Variants in MIPOL1 observed in about 807,000 individuals in gnomAD.
MIPOL1 encodes the protein mirror-image polydactyly 1.
MIPOL1 carries 57 observed loss-of-function variants against 60.9 expected under a neutral mutation model. The ratio of observed to expected loss-of-function variants is 0.94; its 90% CI spans 0.76 to 1.17. MIPOL1 has a LOEUF of 1.17. Among genes scored for constraint, MIPOL1 ranks in the 50% most tolerant of loss-of-function variants. MIPOL1 has a pLI of 0.00. For missense variants in MIPOL1, 551 were observed against 511.6 expected (o/e 1.08, Z -0.74); for synonymous variants, 179 against 168.8 (o/e 1.06, Z -0.47).
chr14:37,437,201 T>C (rs904055003), intron 11 of MIPOL1, among the ~76,000 whole-genome samples: 1 of 152,166 alleles, frequency 6.6e-6, no homozygotes, highest in Non-Finnish European at 1.5e-5. Context: ...AAATATCTTC[T>C]AAAACTTCCT....
intron 12 of MIPOL1, among the ~76,000 whole-genome samples, chr14:37,520,114 G>A (rs2095402350): frequency 6.6e-6 from 1 of 152,106 alleles, no homozygotes; most frequent in Non-Finnish European, 1.5e-5. Context: ...TAGGGAAAAT[G>A]ACTGTGATGA....
chr14:37,502,354 A>G (rs149662785), intron 12 of MIPOL1: 4 of 152,376 alleles, frequency 2.6e-5, no homozygotes, highest in African/African-American at 9.6e-5. Context: ...AGGGGCCGAC[A>G]GACACCTCAT....
chr14:37,422,280 G>A (rs150653653), intron 10 of MIPOL1, among the ~76,000 whole-genome samples: 7 of 151,918 alleles, frequency 4.6e-5, no homozygotes, highest in Admixed American at 1.3e-4. Context: ...GGTTGCTGCC[G>A]TTCTCCCCTT....
At chr14:37,212,103 C>T (rs1231356398) in intron 1 of MIPOL1, 1 of 152,290 alleles carries the variant, frequency 6.6e-6, no homozygotes, top group African/African-American at 2.4e-5. Context: ...GGGTGAGCCT[C>T]TGAGATTTGC....
At chr14:37,299,297 G>C (rs958183278) in intron 7 of MIPOL1, among the ~76,000 whole-genome samples, 3 of 151,618 alleles carry the variant, frequency 2.0e-5, no homozygotes, top group South Asian at 4.2e-4. Flanking sequence ...TGTAGGGTAG[G>C]GAGAGGGGGG....
chr14:37,523,420 G>A (rs1447656432), intron 12 of MIPOL1: 1 of 362,368 alleles, frequency 2.8e-6, no homozygotes, highest in African/African-American at 2.1e-5. Context: ...GAAGTAAATA[G>A]ATGAGTTATA....
chr14:37,425,703 T>G (rs889914964), intron 11 of MIPOL1, among the ~76,000 whole-genome samples: 1 of 152,184 alleles, frequency 6.6e-6, no homozygotes, highest in African/African-American at 2.4e-5. Flanking sequence ...ATATATTTCT[T>G]TTTAAAACAA....
In MIPOL1 at chr14:37,419,087, A is replaced by G. The variant is rs527544053; in HGVS notation, c.937-3768A>G. On this transcript the variant is annotated intron_variant, in intron 10 of 12. Transcript: ENST00000684589. ...CTTTATTAGTAATTGCCAAAGAACT[A>G]GAAATCAGCCAAATGTCTAACAGGT... Among the ~76,000 whole-genome samples the G allele has an allele frequency of 2.0e-5, 3 of 152,272 alleles. No homozygotes were observed. In the East Asian group the frequency reaches 5.8e-4, roughly 29 times the overall value.
At chr14:37,272,107 TAATA>T (rs1434482125) in intron 6 of MIPOL1, among the ~76,000 whole-genome samples, 5 of 151,596 alleles carry the variant, frequency 3.3e-5, no homozygotes, top group African/African-American at 1.2e-4. Context: ...AATATTATAT[TAATA>T]AATGTCAATT....
chr14:37,439,652 C>T (rs920686471), intron 11 of MIPOL1, among the ~76,000 whole-genome samples: 7 of 152,116 alleles, frequency 4.6e-5, no homozygotes, highest in African/African-American at 1.7e-4. Flanking sequence ...CTGAAAACGT[C>T]AACCCCTGGT....
intron 10 of MIPOL1, among the ~76,000 whole-genome samples, chr14:37,395,008 T>A (rs943437598): frequency 6.6e-6 from 1 of 152,192 alleles, no homozygotes; most frequent in African/African-American, 2.4e-5. Flanking sequence ...CCAGCATCAT[T>A]TGTTGAAAAG....
At chr14:37,344,045 T>C (rs936117140) in intron 9 of MIPOL1, among the ~76,000 whole-genome samples, 3 of 152,138 alleles carry the variant, frequency 2.0e-5, no homozygotes, top group African/African-American at 7.2e-5. Flanking sequence ...CTATAGCTTT[T>C]ATAGTGTATC....
rs1408223884 is a variant in MIPOL1 at position 37,548,308 on chromosome 14, T to C, written c.*1337T>C. On this transcript the variant is annotated 3_prime_UTR_variant, in exon 13 of 13. Coordinates refer to ENST00000684589, the MANE Select transcript of MIPOL1 (RefSeq NM_001388067.1). ...ATTATCCATTTCAATTTTTTTTTAC[T>C]CCACAGGAAAATGTAAGCTACTTTG... The C allele has an allele frequency of 4.6e-5, 7 of 152,032 alleles. No individual in the cohort carries two copies. Among genetic ancestry groups the C allele is most frequent in the African/African-American group, 1.7e-4 (7 of 41,434 alleles). The allele number at this position is 152,032 out of a possible 1,614,324, so 9.4% of individuals were successfully genotyped here. A position where few individuals can be genotyped will look rare whatever the true frequency, so the allele number is the denominator to read the frequency against.
intron 7 of MIPOL1, among the ~76,000 whole-genome samples, chr14:37,287,203 A>G (rs745694252): frequency 1.1e-4 from 16 of 150,450 alleles, no homozygotes; most frequent in Non-Finnish European, 1.9e-4. Flanking sequence ...ATATGTATAT[A>G]TGTAAAATAT....
chr14:37,316,248 C>G (rs1057253831), intron 9 of MIPOL1, among the ~76,000 whole-genome samples: 1 of 152,022 alleles, frequency 6.6e-6, no homozygotes, highest in Non-Finnish European at 1.5e-5. Flanking sequence ...CCAGGCTAGT[C>G]TTGAACTCCT....
At chr14:37,316,224 T>C (rs938504084) in intron 9 of MIPOL1, among the ~76,000 whole-genome samples, 1 of 151,828 alleles carries the variant, frequency 6.6e-6, no homozygotes. Flanking sequence ...AGAAACGGGG[T>C]TTCATCATGT....
intron 6 of MIPOL1, among the ~76,000 whole-genome samples, chr14:37,275,392 A>G (rs535340050): frequency 6.6e-6 from 1 of 151,366 alleles, no homozygotes; most frequent in South Asian, 2.1e-4. Context: ...TTCTCACCTA[A>G]AAAAAGTCAT....
At chr14:37,498,378 T>G in intron 11 of MIPOL1, among the ~76,000 whole-genome samples, 1 of 152,354 alleles carries the variant, frequency 6.6e-6, no homozygotes, top group Non-Finnish European at 1.5e-5. Flanking sequence ...GTACCTTTTT[T>G]AAGGTTTAGC....
Position 37,442,091 on chromosome 14 carries a change from TG to T in MIPOL1, c.1031+19143del, listed in dbSNP as rs1319609612. Among the ~76,000 whole-genome samples, 5 of 16,248 alleles carry T rather than the reference TG, an allele frequency of 3.1e-4. No homozygotes were observed. The East Asian group carries it at 5.5e-3, about 18-fold the overall frequency. 10.7% of individuals were successfully genotyped at this position (16,248 alleles called of 152,430 possible). A position where few individuals can be genotyped will look rare whatever the true frequency, so the allele number is the denominator to read the frequency against. ...GTTTCATTCTCTTTCTACTTTGTTG[TG>T]TGTGTGTGTGTGTGTGTGTGTGTGT... is the stretch of plus-strand genomic sequence containing the variant. On this transcript the variant is annotated intron_variant, in intron 11 of 12. Coordinates refer to ENST00000684589, the MANE Select transcript of MIPOL1 (RefSeq NM_001388067.1).
Sources: allele counts gnomAD v4.1 joint callset (sites outside exome capture counted in the v4.1 genomes callset), GRCh38; gene constraint gnomAD v4.1.1; transcripts MANE v1.5; gene names NCBI Gene and HGNC (gene_info 2026-07-23, HGNC 2026-07-21).